Variants in CNMD observed in about 807,000 individuals in gnomAD.
CNMD encodes leukocyte cell-derived chemotaxin 1.
In CNMD, 30 loss-of-function variants were observed where a neutral mutation model predicts 37.5. That is an observed-to-expected ratio of 0.80 (90% CI 0.60 to 1.09). The LOEUF (loss-of-function observed/expected upper bound fraction) is 1.09, where lower values mean the gene tolerates loss of function less well. CNMD is among the 50% of genes least tolerant of loss of function. CNMD has a pLI of 0.00. For missense variants in CNMD, 398 were observed against 423.9 expected (o/e 0.94, Z 0.54); for synonymous variants, 167 against 148.2 (o/e 1.13, Z -0.92).
chr13:52,739,803 CG>C lies in CNMD; in HGVS notation c.-103del. 1 of 995,248 alleles carries C rather than the reference CG, an allele frequency of 1.0e-6. No individual in the cohort carries two copies. Among genetic ancestry groups the C allele is most frequent in the Non-Finnish European group, 1.6e-6 (1 of 643,076 alleles). 61.7% of individuals were successfully genotyped at this position (995,248 alleles called of 1,614,324 possible). A position where few individuals can be genotyped will look rare whatever the true frequency, so the allele number is the denominator to read the frequency against. On this transcript the variant is annotated 5_prime_UTR_variant, in exon 1 of 7. Transcript: ENST00000377962. This position sits in a 1 kb window ranked among gnomAD's most constrained non-coding sequence, Gnocchi z 5.4. ...GGCATTTCAACGCCGCGCGCACACA[CG>C]GTGCACGGTCCCGCCTGGGCCAGCC...
intron 4 of CNMD, among the ~76,000 whole-genome samples, chr13:52,715,142 C>G (rs1416855649): frequency 6.6e-6 from 1 of 152,110 alleles, no homozygotes; most frequent in Non-Finnish European, 1.5e-5. Context: ...TTCAAACAAT[C>G]CAGTTATACT....
intron 2 of CNMD, among the ~76,000 whole-genome samples, chr13:52,735,683 A>T (rs1403167281): frequency 1.4e-5 from 1 of 71,388 alleles, no homozygotes; most frequent in Admixed American, 1.5e-4. Context: ...AAAAAAATCT[A>T]AAAAAAAAAA....
intron 3 of CNMD, among the ~76,000 whole-genome samples, chr13:52,724,915 A>G (rs1052414356): frequency 2.6e-5 from 4 of 152,196 alleles, no homozygotes; most frequent in Non-Finnish European, 4.4e-5. Context: ...ACAAACAAAC[A>G]AACAAGAATA....
chr13:52,705,283 A>G (rs9536246), intron 6 of CNMD, among the ~76,000 whole-genome samples: 5,441 of 152,258 alleles, frequency 0.036, 126 homozygotes, highest in South Asian at 0.064. Context: ...GAATTGTGAC[A>G]TTTCTTCCAT....
chr13:52,733,024 T>C, intron 3 of CNMD, 195 bp downstream of exon 3: 1 of 603,226 alleles, frequency 1.7e-6, no homozygotes. Context: ...TGTTTTTTTC[T>C]TTTGCAAATA....
chr13:52,739,200 C>T lies in CNMD; in HGVS notation c.73-29G>A. Reference sequence around the variant, plus strand: ...CGGGCCGGGGCGGGAGAGGGACCGTCGCGTTTGTGCCGCCAGCACCTGCGG... The same window carrying T: ...CGGGCCGGGGCGGGAGAGGGACCGTTGCGTTTGTGCCGCCAGCACCTGCGG... On this transcript the variant is annotated intron_variant, in intron 1 of 6. Coordinates refer to ENST00000377962, the MANE Select transcript of CNMD (RefSeq NM_007015.3). This position sits in a 1 kb window ranked among gnomAD's most constrained non-coding sequence, Gnocchi z 5.4. 2 of 1,449,172 alleles carry T rather than the reference C, an allele frequency of 1.4e-6. No individual in the cohort carries two copies. Among genetic ancestry groups the T allele is most frequent in the South Asian group, 1.5e-5 (1 of 66,190 alleles). The allele number at this position is 1,449,172 out of a possible 1,614,324, so 89.8% of individuals were successfully genotyped here.
intron 2 of CNMD, among the ~76,000 whole-genome samples, chr13:52,738,733 C>T (rs1964819194): frequency 6.6e-6 from 1 of 152,196 alleles, no homozygotes; most frequent in South Asian, 2.1e-4. Context: ...ACGTGCCTTC[C>T]CCACGGTCGC....
At chr13:52,728,938 G>C (rs1964619460) in intron 3 of CNMD, among the ~76,000 whole-genome samples, 1 of 152,104 alleles carries the variant, frequency 6.6e-6, no homozygotes, top group Non-Finnish European at 1.5e-5. Context: ...ATTAAACAGA[G>C]GGAACTAAAA....
At chr13:52,728,645 T>C (rs1268819084) in intron 3 of CNMD, among the ~76,000 whole-genome samples, 1 of 152,164 alleles carries the variant, frequency 6.6e-6, no homozygotes, top group East Asian at 1.9e-4. Context: ...GATGATGCCT[T>C]CTTATGTGAC....
At chr13:52,733,838 G>GGCA (rs1400273923) in intron 2 of CNMD, among the ~76,000 whole-genome samples, 1 of 152,220 alleles carries the variant, frequency 6.6e-6, no homozygotes, top group East Asian at 1.9e-4. Flanking sequence ...CGTCTGCAGT[G>GGCA]GCACCTCAGT....
chr13:52,730,157 A>AT (rs1338064328), intron 3 of CNMD, among the ~76,000 whole-genome samples: 3 of 151,970 alleles, frequency 2.0e-5, no homozygotes, highest in African/African-American at 4.8e-5. Flanking sequence ...TGAACTCATC[A>AT]TTTTTTATGG....
At chr13:52,708,424 G>A in intron 6 of CNMD, 112 bp downstream of exon 6, 2 of 884,422 alleles carry the variant, frequency 2.3e-6, no homozygotes, top group Non-Finnish European at 3.3e-6. Context: ...CTCGTGATCT[G>A]CCCACCCCTG....
In CNMD at chr13:52,739,667, A is replaced by G. The variant is rs1485540552; in HGVS notation, c.35T>C (p.Leu12Pro). 1.2e-6 allele frequency: 2 copies of G among 1,614,062 alleles called. No individual in the cohort carries two copies. Among genetic ancestry groups the G allele is most frequent in the Non-Finnish European group, 1.7e-6 (2 of 1,180,016 alleles). Residue 12 changes from leucine (L) to proline (P), a missense_variant, in exon 1 of 7, where the codon CTG becomes CCG. Transcript: ENST00000377962. The surrounding 1 kb of genome is among the most constrained non-coding windows in gnomAD (Gnocchi z 5.4). ...GAATTCCACGTCATCAGGTCCCACC[A>G]GGGCAATGGGAACTTTGTCGGAGTT... ...TENSDKVPIA[L>P]VGPDDVEFCS...
chr13:52,704,664 T>C (rs1284380924), intron 6 of CNMD, among the ~76,000 whole-genome samples: 1 of 152,198 alleles, frequency 6.6e-6, no homozygotes, highest in Non-Finnish European at 1.5e-5. Flanking sequence ...CCCTTATCTT[T>C]AAATTCTTGA....
intron 3 of CNMD, among the ~76,000 whole-genome samples, chr13:52,724,828 T>C (rs111248851): frequency 0.041 from 6,170 of 150,882 alleles, 148 homozygotes; most frequent in South Asian, 0.065. Flanking sequence ...ACCCGGGAGG[T>C]GGAGGTTGCA....
intron 2 of CNMD, 131 bp from the exon 3 acceptor site, chr13:52,733,490 A>T (rs1284271116): frequency 1.2e-6 from 1 of 801,306 alleles, no homozygotes; most frequent in South Asian, 1.4e-5. Context: ...ATAATAATAC[A>T]TTTATATATG....
chr13:52,733,064 G>A (rs754746646), intron 3 of CNMD, 155 bp downstream of exon 3: 14 of 712,852 alleles, frequency 2.0e-5, no homozygotes, highest in Non-Finnish European at 3.4e-5. Flanking sequence ...CTTTCTCAGA[G>A]AGAATATGCT....
At chr13:52,710,510 G>T (rs1428056609) in intron 5 of CNMD, among the ~76,000 whole-genome samples, 1 of 152,180 alleles carries the variant, frequency 6.6e-6, no homozygotes, top group Non-Finnish European at 1.5e-5. Context: ...TGATAATACA[G>T]CTGTGTGACA....
chr13:52,703,760 T>G lies in CNMD; in HGVS notation c.840A>C (p.Gly280=), dbSNP rs760075012. Residue 280 remains glycine, a synonymous_variant, in exon 7 of 7, where the codon GGA becomes GGC. Transcript: ENST00000377962. ...MTFDPRLDHE[G]ICCIECRRSY... ...TCCGCCTACATTCTATACAACAGAT[T>G]CCTTCGTGATCCAGTCTAGGGTCGA... 1.9e-6 allele frequency: 3 copies of G among 1,614,068 alleles called. No individual in the cohort carries two copies. The highest frequency in any genetic ancestry group is 2.5e-6 in the Non-Finnish European group (3 of 1,180,012).
Sources: allele counts gnomAD v4.1 joint callset (sites outside exome capture counted in the v4.1 genomes callset), GRCh38; gene constraint gnomAD v4.1.1; non-coding constraint Gnocchi (gnomAD v3.1); transcripts MANE v1.5; gene names NCBI Gene and HGNC (gene_info 2026-07-23, HGNC 2026-07-21).